Variants in TAPT1 observed in about 807,000 individuals in gnomAD.
TAPT1 encodes transmembrane anterior posterior transformation protein 1 homolog.
In TAPT1, 28 loss-of-function variants were observed where a neutral mutation model predicts 65.6. The ratio of observed to expected loss-of-function variants is 0.43; its 90% confidence interval spans 0.32 to 0.59. The LOEUF (loss-of-function observed/expected upper bound fraction) is 0.59. TAPT1 is among the 20% of genes least tolerant of loss of function. TAPT1 has a pLI of 0.09. For synonymous variants in TAPT1, 278 were observed against 245.2 expected (o/e 1.13, Z -1.25); for missense variants, 563 against 679.9 (o/e 0.83, Z 1.91).
At chr4:16,184,924 C>T (rs1160097537) in intron 7 of TAPT1, among the ~76,000 whole-genome samples, 1 of 152,114 alleles carries the variant, frequency 6.6e-6, no homozygotes, top group Non-Finnish European at 1.5e-5. Context: ...CTGTGGCTGG[C>T]CTTTTCACTT....
At chr4:16,224,678 G>C (rs1751446460) in intron 1 of TAPT1, among the ~76,000 whole-genome samples, 3 of 152,010 alleles carry the variant, frequency 2.0e-5, no homozygotes, top group South Asian at 2.1e-4. Context: ...TGCAACTATG[G>C]GTTAAAAAAA....
intron 11 of TAPT1, 27 bp downstream of exon 11, chr4:16,174,177 A>C: frequency 2.0e-6 from 3 of 1,537,100 alleles, no homozygotes. Context: ...ACTTTGTTAC[A>C]AAAAACATTA....
intron 1 of TAPT1, 32 bp from the exon 2 acceptor site, chr4:16,213,930 G>C (rs1228354940): frequency 1.3e-6 from 2 of 1,572,284 alleles, no homozygotes; most frequent in Non-Finnish European, 1.7e-6. Context: ...AAAACAAAAA[G>C]AACAGTATTT....
rs200177500 is a variant in TAPT1, at chr4:16,178,859, CA to C, written c.997+717del. ...GGTAAAAGATAATGTTAGGGAAGAG[CA>C]AAGGTTCTCCTGGTTAACCCCTAAG... On this transcript the variant is annotated intron_variant, in intron 8 of 13. Coordinates refer to ENST00000405303, the MANE Select transcript of TAPT1 (RefSeq NM_153365.3). 25 of 152,238 alleles carry C rather than the reference CA, an allele frequency of 1.6e-4. No homozygotes were observed. The East Asian group carries it at 4.8e-3, about 29-fold the overall frequency. The allele number at this position is 152,238 out of a possible 1,614,324, so 9.4% of individuals were successfully genotyped here.
chr4:16,217,910 C>A (rs1751033098), intron 1 of TAPT1, among the ~76,000 whole-genome samples: 1 of 152,168 alleles, frequency 6.6e-6, no homozygotes, highest in African/African-American at 2.4e-5. Context: ...GAACCTCAAA[C>A]CCCCTGAGGG....
At chr4:16,187,119 T>C (rs766496013) in intron 5 of TAPT1, among the ~76,000 whole-genome samples, 16 of 152,308 alleles carry the variant, frequency 1.1e-4, no homozygotes, top group South Asian at 4.1e-4. Context: ...ATTTAGACCA[T>C]GAATCCTTTG....
Position 16,166,753 on chromosome 4 carries a change from C to A in TAPT1, c.1354G>T (p.Gly452Trp). ...TCCTTCACATACTGGCACGATTTCCCCAACAGCACGATGCTATTAAGTACT... is the reference window on the plus strand; with the variant it reads ...TCCTTCACATACTGGCACGATTTCCACAACAGCACGATGCTATTAAGTACT... ...LKVLNSIVLL[G>W]KSCQYVKEAK... is the part of the protein sequence containing the mutation. Residue 452 changes from glycine (G) to tryptophan (W), a missense_variant, in exon 13 of 14, where the codon GGG (glycine) becomes TGG (tryptophan). Transcript: ENST00000405303. 1 of 1,613,894 alleles carries A rather than the reference C, an allele frequency of 6.2e-7. No homozygotes were observed. The highest frequency in any genetic ancestry group is 1.1e-5 in the South Asian group (1 of 91,072).
chr4:16,214,551 T>C (rs768501446), intron 1 of TAPT1: 3 of 152,230 alleles, frequency 2.0e-5, no homozygotes, highest in African/African-American at 7.2e-5. Flanking sequence ...AATTACTCCA[T>C]AGTTATCTCA....
rs1747364547 is a variant in TAPT1, at chr4:16,163,193, AAT to A, written c.*113_*114del. 8 of 799,478 alleles carry A rather than the reference AAT, an allele frequency of 1.0e-5. No homozygotes were observed. Among genetic ancestry groups the A allele is most frequent in the Non-Finnish European group, 1.6e-5 (8 of 484,916 alleles). The allele number at this position is 799,478 out of a possible 1,614,324, so 49.5% of individuals were successfully genotyped here. On this transcript the variant is annotated 3_prime_UTR_variant, in exon 14 of 14. Transcript: ENST00000405303. Reference sequence around the variant, plus strand: ...AAGATACTAAGATTTGCTTGCCAATAATAATTTAAGTTTTTAAATAAATATTT... The same window carrying A: ...AAGATACTAAGATTTGCTTGCCAATAAATTTAAGTTTTTAAATAAATATTT...
chr4:16,227,234 G>A, upstream of TAPT1: 1 of 455,506 alleles, frequency 2.2e-6, no homozygotes, highest in Non-Finnish European at 4.4e-6. Context: ...AAGGGCTGGC[G>A]CGCCGGCGGA....
Position 16,226,274 on chromosome 4 carries a change from G to T in TAPT1, c.184C>A (p.Arg62Ser). 8.9e-7 allele frequency: 1 copy of T among 1,124,682 alleles called. No individual in the cohort carries two copies. Among genetic ancestry groups the T allele is most frequent in the Non-Finnish European group, 1.1e-6 (1 of 919,998 alleles). The allele number at this position is 1,124,682 out of a possible 1,614,324, so 69.7% of individuals were successfully genotyped here. The change falls in exon 1 of 14, where the codon CGC (arginine) becomes AGC (serine). Residue 62 changes from arginine to serine, a missense_variant. Arg to Ser is a moderately radical substitution (Grantham distance 110). Transcript: ENST00000405303. Reference sequence around the variant, plus strand: ...CCCGCCTCACCTGTGCGGCCCCGGCGCCTCTCCCGCCGCCGGTCGCTCTCG... The same window carrying T: ...CCCGCCTCACCTGTGCGGCCCCGGCTCCTCTCCCGCCGCCGGTCGCTCTCG... ...FYESDRRRER[R>S]RGRTELSLLR...
At chr4:16,174,520 T>C in intron 10 of TAPT1, 150 bp downstream of exon 10, 1 of 725,694 alleles carries the variant, frequency 1.4e-6, no homozygotes, top group Non-Finnish European at 2.2e-6. Context: ...TCTTAATTTG[T>C]AAATGTTTAT....
At chr4:16,199,270 T>C (rs1040379594) in intron 3 of TAPT1, among the ~76,000 whole-genome samples, 5 of 152,150 alleles carry the variant, frequency 3.3e-5, no homozygotes, top group Admixed American at 6.5e-5. Context: ...AAAGCAGAAA[T>C]AGTAAGAAGT....
intron 12 of TAPT1, among the ~76,000 whole-genome samples, chr4:16,167,683 A>G (rs1621739): frequency 0.24 from 36,869 of 152,090 alleles, 6,026 homozygotes; most frequent in African/African-American, 0.46. Context: ...AAGGAGAGCA[A>G]CAGGTAAGGT....
chr4:16,194,406 C>T (rs548993930), intron 3 of TAPT1, among the ~76,000 whole-genome samples: 7 of 152,294 alleles, frequency 4.6e-5, no homozygotes, highest in African/African-American at 1.2e-4. Flanking sequence ...AGTTCCCACA[C>T]GGTGCAGCAG....
chr4:16,224,568 G>A (rs1751439341), intron 1 of TAPT1, among the ~76,000 whole-genome samples: 1 of 152,190 alleles, frequency 6.6e-6, no homozygotes, highest in South Asian at 2.1e-4. Context: ...AAGCAGGAGT[G>A]GCCACTGACA....
chr4:16,166,958 T>A (rs10939651), intron 12 of TAPT1, 165 bp from the exon 13 acceptor site: 6 of 499,946 alleles, frequency 1.2e-5, no homozygotes, highest in Non-Finnish European at 2.1e-5. Context: ...GGCCTCCTTG[T>A]CACAAAGAAA....
At chr4:16,226,217 C>G in intron 1 of TAPT1, 42 bp downstream of exon 1, 1 of 1,099,478 alleles carries the variant, frequency 9.1e-7, no homozygotes, top group Non-Finnish European at 1.1e-6. Context: ...GTCCCCAGTC[C>G]GCCCCTCGGA....
chr4:16,165,472 A>T (rs570856656), intron 13 of TAPT1, among the ~76,000 whole-genome samples: 7 of 151,472 alleles, frequency 4.6e-5, no homozygotes, highest in Admixed American at 4.0e-4. Flanking sequence ...CGAGAGGCCG[A>T]GGCAGGAGAA....
Sources: gnomAD v4.1 joint callset for allele counts (sites outside exome capture counted in the v4.1 genomes callset) on GRCh38, gnomAD v4.1.1 for gene constraint, MANE v1.5 for transcripts, NCBI Gene and HGNC (gene_info 2026-07-23, HGNC 2026-07-21) for gene names.